The following TRIM2 variants were observed in gnomAD, a reference collection of about 807,000 sequenced individuals.
TRIM2 encodes tripartite motif-containing protein 2.
TRIM2 carries 20 observed loss-of-function variants against 75.2 expected under a neutral mutation model. The observed-to-expected ratio is 0.27, with a 90% CI of 0.19 to 0.39. The LOEUF is 0.39. Ranked by LOEUF, TRIM2 falls within the 10% of genes least tolerant of loss-of-function variation. TRIM2 has a pLI of 1.00. For synonymous variants in TRIM2, 373 were observed against 388.3 expected (o/e 0.96, Z 0.46); for missense variants, 660 against 990.8 (o/e 0.67, Z 4.48).
intron 2 of TRIM2, 132 bp from the exon 3 acceptor site, chr4:153,275,761 T>C (rs908360902): frequency 3.2e-5 from 25 of 786,814 alleles, no homozygotes; most frequent in Non-Finnish European, 5.0e-5. Flanking sequence ...GAAATATTAT[T>C]TTCCTAGTAA....
intron 11 of TRIM2, among the ~76,000 whole-genome samples, chr4:153,332,858 T>C (rs1347905866): frequency 2.6e-5 from 4 of 152,212 alleles, no homozygotes; most frequent in Non-Finnish European, 5.9e-5. Flanking sequence ...AGATCTCTCA[T>C]GCATTGCTGG....
intron 1 of TRIM2, among the ~76,000 whole-genome samples, chr4:153,206,279 A>G (rs1289070903): frequency 6.6e-6 from 1 of 152,192 alleles, no homozygotes; most frequent in Non-Finnish European, 1.5e-5. Context: ...CTGGCTATCC[A>G]TGAGAAGTTC....
In TRIM2 at chr4:153,337,068, C is replaced by T. The variant is rs907613777; in HGVS notation, c.*2102C>T. The T allele has an allele frequency of 1.0e-6, 1 of 985,140 alleles. No individual in the cohort carries two copies. Among genetic ancestry groups the T allele is most frequent in the African/African-American group, 1.7e-5 (1 of 57,220 alleles). 61.0% of individuals were successfully genotyped at this position (985,140 alleles called of 1,614,324 possible). On this transcript the variant is annotated 3_prime_UTR_variant, in exon 12 of 12. Coordinates refer to ENST00000338700, the MANE Select transcript of TRIM2 (RefSeq NM_015271.5). ...GTAAAAAATCGCTGCCCCCTCAGAG[C>T]TGACATTCTGGGGTGGGAATTTCAT...
chr4:153,330,156 A>C (rs1221540850), intron 11 of TRIM2, among the ~76,000 whole-genome samples: 2 of 152,212 alleles, frequency 1.3e-5, no homozygotes, highest in Non-Finnish European at 2.9e-5. Flanking sequence ...ACTATTAAGA[A>C]AATTTAATTC....
At chr4:153,197,443 A>G (rs1318188245) in intron 1 of TRIM2, among the ~76,000 whole-genome samples, 1 of 152,184 alleles carries the variant, frequency 6.6e-6, no homozygotes, top group African/African-American at 2.4e-5. Context: ...CTGCCTGTGC[A>G]TCTGCTATGG....
chr4:153,312,003 C>T (rs1486673813), intron 6 of TRIM2, among the ~76,000 whole-genome samples: 11 of 150,914 alleles, frequency 7.3e-5, no homozygotes, highest in South Asian at 6.2e-4. Context: ...CATGCTGGTG[C>T]GCTGCACCCA....
intron 1 of TRIM2, among the ~76,000 whole-genome samples, chr4:153,242,503 C>T (rs542303962): frequency 2.4e-4 from 36 of 152,220 alleles, no homozygotes; most frequent in African/African-American, 7.7e-4. Flanking sequence ...TCCTGCTGTT[C>T]GACCTTGGTG....
chr4:153,242,068 C>T (rs1050842875), intron 1 of TRIM2, among the ~76,000 whole-genome samples: 1 of 152,216 alleles, frequency 6.6e-6, no homozygotes, highest in Non-Finnish European at 1.5e-5. Flanking sequence ...GGTGCTGGAA[C>T]ATGCTGGCCA....
chr4:153,267,423 C>T (rs141577255), intron 1 of TRIM2, among the ~76,000 whole-genome samples: 1,957 of 152,188 alleles, frequency 0.013, 26 homozygotes, highest in African/African-American at 0.044. Flanking sequence ...GAGGCTGAGG[C>T]GGGTGGATCA....
Position 153,338,027 on chromosome 4 carries a change from T to C in TRIM2, c.*3061T>C, listed in dbSNP as rs1161097904. 7.1e-6 allele frequency: 7 copies of C among 985,732 alleles called. No individual in the cohort carries two copies. Among genetic ancestry groups the C allele is most frequent in the East Asian group, 2.3e-4 (2 of 8,828 alleles). The allele number at this position is 985,732 out of a possible 1,614,324, so 61.1% of individuals were successfully genotyped here. Reference sequence around the variant, plus strand: ...GGTACTTAGTATTTTGATCAAACTTTAGTCTCCAGAACTAAACAAGTCCCT... The same window carrying C: ...GGTACTTAGTATTTTGATCAAACTTCAGTCTCCAGAACTAAACAAGTCCCT... On this transcript the variant is annotated 3_prime_UTR_variant, in exon 12 of 12. Coordinates refer to ENST00000338700, the MANE Select transcript of TRIM2 (RefSeq NM_015271.5).
At chr4:153,199,363 G>A (rs1302028282) in intron 1 of TRIM2, among the ~76,000 whole-genome samples, 3 of 152,118 alleles carry the variant, frequency 2.0e-5, no homozygotes, top group Non-Finnish European at 4.4e-5. Flanking sequence ...TGATTTTAAT[G>A]AAATATATGC....
Position 153,235,254 on chromosome 4 carries a change from G to T in TRIM2, c.30+30694G>T, listed in dbSNP as rs535023865. 5.9e-5 allele frequency among the ~76,000 whole-genome samples: 9 copies of T among 152,066 alleles called. No homozygotes were observed. In the South Asian group the frequency reaches 1.9e-3, roughly 32 times the overall value. On this transcript the variant is annotated intron_variant, in intron 1 of 11. Transcript: ENST00000338700. ...AGTCAGTTTGTTCCTCTGTAAAATG[G>T]GAAAAGCTGTGCCTGCTTCATAGAG...
At chr4:153,328,147 A>T (rs1363050256) in intron 10 of TRIM2, among the ~76,000 whole-genome samples, 1 of 145,602 alleles carries the variant, frequency 6.9e-6, no homozygotes, top group East Asian at 1.9e-4. Flanking sequence ...TCCTGTTAGA[A>T]ATATAAATAT....
At chr4:153,267,734 TTTCC>T (rs1031596545) in intron 1 of TRIM2, among the ~76,000 whole-genome samples, 16 of 151,270 alleles carry the variant, frequency 1.1e-4, no homozygotes, top group East Asian at 3.9e-4. Context: ...ACCTCTTTTC[TTTCC>T]TTCCTTCCTT....
intron 1 of TRIM2, among the ~76,000 whole-genome samples, chr4:153,186,210 G>A (rs993882794): frequency 3.9e-5 from 6 of 152,124 alleles, no homozygotes; most frequent in African/African-American, 7.2e-5. Flanking sequence ...CTGAGTGAGC[G>A]TCGGGGCGTG....
At chr4:153,289,554 T>G (rs1273134439) in intron 3 of TRIM2, among the ~76,000 whole-genome samples, 2 of 152,220 alleles carry the variant, frequency 1.3e-5, no homozygotes, top group Non-Finnish European at 2.9e-5. Flanking sequence ...TTTTTACATT[T>G]TTCGCGACTC....
intron 1 of TRIM2, among the ~76,000 whole-genome samples, chr4:153,230,356 T>C (rs1273753573): frequency 1.3e-5 from 2 of 152,134 alleles, no homozygotes; most frequent in African/African-American, 4.8e-5. Context: ...ACTTTTTGTA[T>C]ATTTTTTGCA....
chr4:153,255,388 A>G (rs540669700), intron 1 of TRIM2, among the ~76,000 whole-genome samples: 3 of 152,312 alleles, frequency 2.0e-5, no homozygotes, highest in African/African-American at 7.2e-5. Context: ...GGTTGACTGG[A>G]AGAAGAGAAT....
At chr4:153,209,645 T>G (rs1370297456) in intron 1 of TRIM2, among the ~76,000 whole-genome samples, 2 of 152,204 alleles carry the variant, frequency 1.3e-5, no homozygotes, top group African/African-American at 2.4e-5. Context: ...TCAATGAAAT[T>G]CCTCAAACTG....
Sources: allele counts gnomAD v4.1 joint callset (sites outside exome capture counted in the v4.1 genomes callset), GRCh38; gene constraint gnomAD v4.1.1; transcripts MANE v1.5; gene names NCBI Gene and HGNC (gene_info 2026-07-23, HGNC 2026-07-21).